LRFN2: variants seen among roughly 807,000 people sequenced by gnomAD.
The protein encoded by LRFN2 is leucine rich repeat and fibronectin type III domain containing 2.
LRFN2 carries 18 observed loss-of-function variants against 37.3 expected under a neutral mutation model. That is an observed-to-expected ratio of 0.48 (90% CI 0.33 to 0.72). LRFN2 has a LOEUF of 0.72. LRFN2 is among the 30% of genes least tolerant of loss of function. The probability of loss-of-function intolerance (pLI) is 0.02; values close to 1 mark genes in which losing one functional copy is unlikely to be tolerated. For synonymous variants in LRFN2, 556 were observed against 466.6 expected (o/e 1.19, Z -2.47); for missense variants, 1,006 against 1,060.7 (o/e 0.95, Z 0.72).
chr6:40,439,975 C>G (rs1763792244), intron 1 of LRFN2, among the ~76,000 whole-genome samples: 1 of 152,036 alleles, frequency 6.6e-6, no homozygotes, highest in Non-Finnish European at 1.5e-5. Flanking sequence ...AAGGTTCTAG[C>G]TTAGTGGCTG....
At chr6:40,533,208 CTCTA>C (rs1383404196) in intron 1 of LRFN2, among the ~76,000 whole-genome samples, 2 of 152,048 alleles carry the variant, frequency 1.3e-5, no homozygotes, top group Non-Finnish European at 2.9e-5. Flanking sequence ...GTCTCTTTTT[CTCTA>C]TCTCTTTAGT....
intron 1 of LRFN2, among the ~76,000 whole-genome samples, chr6:40,522,531 G>A (rs1269331327): frequency 6.6e-6 from 1 of 152,172 alleles, no homozygotes; most frequent in East Asian, 1.9e-4. Context: ...GAGGACAACT[G>A]CTCTCTGCAC....
chr6:40,412,688 A>C (rs1238347374), intron 2 of LRFN2, among the ~76,000 whole-genome samples: 2 of 152,106 alleles, frequency 1.3e-5, no homozygotes, highest in Non-Finnish European at 2.9e-5. Context: ...ATGTTTGTGG[A>C]GCTTATGTGA....
chr6:40,415,608 G>A (rs189486448), intron 2 of LRFN2, among the ~76,000 whole-genome samples: 123 of 152,318 alleles, frequency 8.1e-4, no homozygotes, highest in Admixed American at 3.5e-3. Flanking sequence ...CCCAGGACCT[G>A]CTCTAGCATA....
chr6:40,416,958 G>T (rs75637119), intron 2 of LRFN2, among the ~76,000 whole-genome samples: 6,851 of 152,274 alleles, frequency 0.045, 479 homozygotes, highest in African/African-American at 0.15. Flanking sequence ...GAAGAATAGG[G>T]CTTGGGTCTA....
chr6:40,514,465 C>T (rs1765801628), intron 1 of LRFN2, among the ~76,000 whole-genome samples: 1 of 152,106 alleles, frequency 6.6e-6, no homozygotes, highest in African/African-American at 2.4e-5. Flanking sequence ...CATGCGTGCA[C>T]CACCACACCC....
intron 2 of LRFN2, among the ~76,000 whole-genome samples, chr6:40,425,081 T>A (rs1763320492): frequency 6.6e-6 from 1 of 152,182 alleles, no homozygotes; most frequent in Non-Finnish European, 1.5e-5. Context: ...TGCAGCCCCC[T>A]GCCCCAGCCC....
At chr6:40,536,409 A>T (rs889143953) in intron 1 of LRFN2, among the ~76,000 whole-genome samples, 1 of 152,144 alleles carries the variant, frequency 6.6e-6, no homozygotes, top group Non-Finnish European at 1.5e-5. Context: ...AACCCAGAAC[A>T]TGTATTACAC....
chr6:40,576,360 C>T (rs571446573), intron 1 of LRFN2, among the ~76,000 whole-genome samples: 3 of 152,114 alleles, frequency 2.0e-5, no homozygotes, highest in Non-Finnish European at 4.4e-5. Flanking sequence ...AGAGAAAGGC[C>T]GAGCAGAACA....
intron 1 of LRFN2, among the ~76,000 whole-genome samples, chr6:40,561,398 G>A (rs1225975202): frequency 2.6e-5 from 4 of 152,200 alleles, no homozygotes; most frequent in Non-Finnish European, 5.9e-5. Flanking sequence ...GGCAATGGCC[G>A]GTTGGGGACT....
chr6:40,486,515 G>C (rs752032938), intron 1 of LRFN2, among the ~76,000 whole-genome samples: 93 of 152,158 alleles, frequency 6.1e-4, no homozygotes, highest in Non-Finnish European at 8.8e-4. Flanking sequence ...TGGCAGGAGG[G>C]CATCTCAGCG....
chr6:40,534,025 C>T (rs1766402545), intron 1 of LRFN2, among the ~76,000 whole-genome samples: 1 of 152,206 alleles, frequency 6.6e-6, no homozygotes, highest in South Asian at 2.1e-4. Flanking sequence ...TTACAACTTC[C>T]CTTCCACTTT....
At chr6:40,538,660 A>G (rs546003571) in intron 1 of LRFN2, among the ~76,000 whole-genome samples, 374 of 152,306 alleles carry the variant, frequency 2.5e-3, no homozygotes, top group African/African-American at 8.4e-3. Context: ...CCCCGGGGCT[A>G]TCCCCATTCC....
intron 1 of LRFN2, among the ~76,000 whole-genome samples, chr6:40,486,665 G>C (rs1285554446): frequency 9.9e-5 from 15 of 152,140 alleles, no homozygotes; most frequent in Admixed American, 8.5e-4. Context: ...ATCTGGAAAA[G>C]GGATTTACGC....
At chr6:40,535,216 C>T (rs919787823) in intron 1 of LRFN2, among the ~76,000 whole-genome samples, 2 of 152,148 alleles carry the variant, frequency 1.3e-5, no homozygotes, top group African/African-American at 4.8e-5. Flanking sequence ...TCAGCCACCT[C>T]GCCTGCCTGT....
chr6:40,448,662 G>T (rs938465904), intron 1 of LRFN2, among the ~76,000 whole-genome samples: 1 of 152,084 alleles, frequency 6.6e-6, no homozygotes, highest in African/African-American at 2.4e-5. Context: ...GAATTTTTAG[G>T]CACTATCTCC....
rs1212285829 is a variant in LRFN2 at position 40,400,991 on chromosome 6, C to T, written c.1401-8079G>A. On this transcript the variant is annotated intron_variant, in intron 2 of 2. Coordinates refer to ENST00000338305, the MANE Select transcript of LRFN2 (RefSeq NM_020737.3). ...GTTCTGCCCCTCTTTCAACCAACCC[C>T]CTAACCCCACCTCCCCCAGAGGCTC... Among the ~76,000 whole-genome samples the T allele has an allele frequency of 2.7e-5, 4 of 150,552 alleles. No homozygotes were observed. The East Asian group carries it at 7.7e-4, about 29-fold the overall frequency.
At chr6:40,500,648 C>A (rs899868537) in intron 1 of LRFN2, among the ~76,000 whole-genome samples, 1 of 152,222 alleles carries the variant, frequency 6.6e-6, no homozygotes. Flanking sequence ...AAATGTCCAA[C>A]CATCAGGCAT....
intron 1 of LRFN2, among the ~76,000 whole-genome samples, chr6:40,473,897 C>A (rs1764657659): frequency 6.6e-6 from 1 of 152,174 alleles, no homozygotes; most frequent in African/African-American, 2.4e-5. Context: ...GGATACATAA[C>A]TAAAAACTGG....
Sources: gnomAD v4.1 joint callset for allele counts (sites outside exome capture counted in the v4.1 genomes callset) on GRCh38, gnomAD v4.1.1 for gene constraint, MANE v1.5 for transcripts, NCBI Gene and HGNC (gene_info 2026-07-23, HGNC 2026-07-21) for gene names.